Variants in USP20 observed in about 807,000 individuals in gnomAD.
USP20 encodes ubiquitin carboxyl-terminal hydrolase 20.
In USP20, 80 loss-of-function variants were observed where a neutral mutation model predicts 124.2. The observed-to-expected ratio is 0.64, with a 90% CI of 0.54 to 0.78. The LOEUF (loss-of-function observed/expected upper bound fraction) is 0.78. Ranked by LOEUF, USP20 falls within the 30% of genes least tolerant of loss-of-function variation. The probability of loss-of-function intolerance (pLI) is 0.00; values close to 1 mark genes in which losing one functional copy is unlikely to be tolerated. For synonymous variants in USP20, 481 were observed against 512.3 expected (o/e 0.94, Z 0.83); for missense variants, 1,043 against 1,244.4 (o/e 0.84, Z 2.44).
At chr9:129,880,437 C>G in intron 25 of USP20, 30 bp from the exon 26 acceptor site, 1 of 957,898 alleles carries the variant, frequency 1.0e-6, no homozygotes, top group South Asian at 1.7e-5. Flanking sequence ...CATGGCCCGG[C>G]CCCACTGCTG....
chr9:129,879,293 G>A lies in USP20; in HGVS notation c.2513-280G>A, dbSNP rs2034539665. ...GATAGCTGGGCAGAGGGGAAGGGGC[G>A]TGGTGAGCGGCAGCTGCCAGCAGAG... On this transcript the variant is annotated intron_variant, in intron 23 of 25. Coordinates refer to ENST00000372429, the MANE Select transcript of USP20 (RefSeq NM_001110303.4). This position sits in a 1 kb window ranked among gnomAD's most constrained non-coding sequence, Gnocchi z 4.2. The A allele has an allele frequency of 2.7e-5, 12 of 448,158 alleles. No individual in the cohort carries two copies. In the Admixed American group the frequency reaches 2.7e-4, roughly 10 times the overall value. 27.8% of individuals were successfully genotyped at this position (448,158 alleles called of 1,614,324 possible). A position where few individuals can be genotyped will look rare whatever the true frequency, so the allele number is the denominator to read the frequency against.
At chr9:129,848,788 G>T (rs2032736416) in intron 1 of USP20, among the ~76,000 whole-genome samples, 1 of 152,162 alleles carries the variant, frequency 6.6e-6, no homozygotes, top group South Asian at 2.1e-4. Context: ...GACTAGTGCC[G>T]ACTCAGGGCA....
chr9:129,847,933 C>G (rs148514248), intron 1 of USP20, among the ~76,000 whole-genome samples: 54 of 134,848 alleles, frequency 4.0e-4, no homozygotes, highest in African/African-American at 1.3e-3. Context: ...TAATGTTTCT[C>G]TAAATCCGAC....
chr9:129,880,241 CAGA>C lies in USP20; in HGVS notation c.2717_2719del (p.Lys906del). On this transcript the variant is annotated inframe_deletion, in exon 25 of 26. Transcript: ENST00000372429. ...GGGCCCAGAGAACCTGCACGGGGAG[CAGA>C]AGATCGAAGCCGAGACGCGGGCCGT... 1 of 1,611,454 alleles carries C rather than the reference CAGA, an allele frequency of 6.2e-7. No individual in the cohort carries two copies. Among genetic ancestry groups the C allele is most frequent in the Non-Finnish European group, 8.5e-7 (1 of 1,179,260 alleles).
rs760004609 is a variant in USP20, at chr9:129,869,040, G to T, written c.1276+38G>T. 6 of 1,575,494 alleles carry T rather than the reference G, an allele frequency of 3.8e-6. No homozygotes were observed. The South Asian group carries it at 5.7e-5, about 15-fold the overall frequency. ...CGGGAGGGTGGGTCAGCTTGAGGCTGGGAGTACAGATTACGCCCGTAGCTG... is the reference window on the plus strand; with the variant it reads ...CGGGAGGGTGGGTCAGCTTGAGGCTTGGAGTACAGATTACGCCCGTAGCTG... On this transcript the variant is annotated intron_variant, in intron 12 of 25. Coordinates refer to ENST00000372429, the MANE Select transcript of USP20 (RefSeq NM_001110303.4).
Position 129,880,696 on chromosome 9 carries a change from C to T in USP20, c.*246C>T, listed in dbSNP as rs2034603948. On this transcript the variant is annotated 3_prime_UTR_variant, in exon 26 of 26. Transcript: ENST00000372429. Reference sequence around the variant, plus strand: ...CAGTCACTGTCATCGTTGTGTCCCCCACAACTGTCCTCTTGCTAGCTCGGC... The same window carrying T: ...CAGTCACTGTCATCGTTGTGTCCCCTACAACTGTCCTCTTGCTAGCTCGGC... The T allele has an allele frequency of 5.6e-6, 1 of 178,282 alleles. No individual in the cohort carries two copies. Among genetic ancestry groups the T allele is most frequent in the Admixed American group, 5.5e-5 (1 of 18,110 alleles). The allele number at this position is 178,282 out of a possible 1,614,324, so 11.0% of individuals were successfully genotyped here. A position where few individuals can be genotyped will look rare whatever the true frequency, so the allele number is the denominator to read the frequency against.
chr9:129,861,003 G>A lies in USP20; in HGVS notation c.397G>A (p.Glu133Lys). 1 of 1,614,054 alleles carries A rather than the reference G, an allele frequency of 6.2e-7. No individual in the cohort carries two copies. The highest frequency in any genetic ancestry group is 8.5e-7 in the Non-Finnish European group (1 of 1,179,934). Reference protein sequence around the residue: ...PIAVADEGESESEDDDLKPRG... With the variant: ...PIAVADEGESKSEDDDLKPRG... ...TGCTGTGGCTGATGAAGGAGAGTCT[G>A]AGTCAGAGGACGATGACCTGAAACC... Residue 133 changes from glutamate (E) to lysine (K), a missense_variant, in exon 7 of 26, where the codon GAG becomes AAG. Physicochemically the swap from Glu to Lys is moderately conservative, Grantham distance 56. Transcript: ENST00000372429.
chr9:129,868,735 A>G (rs1588277499), intron 11 of USP20, 127 bp from the exon 12 acceptor site: 4 of 1,445,164 alleles, frequency 2.8e-6, no homozygotes, highest in Non-Finnish European at 3.7e-6. Context: ...GAGTGGGCAC[A>G]TGACAGAGGA....
chr9:129,869,604 T>A, intron 13 of USP20, 68 bp from the exon 14 acceptor site: 1 of 1,594,068 alleles, frequency 6.3e-7, no homozygotes, highest in South Asian at 1.1e-5. Context: ...GCCCCTCACC[T>A]GCTGCTTGGG....
intron 6 of USP20, 74 bp from the exon 7 acceptor site, chr9:129,860,863 C>A: frequency 6.7e-7 from 1 of 1,496,280 alleles, no homozygotes; most frequent in Non-Finnish European, 9.3e-7. Flanking sequence ...GACTTCCAGC[C>A]CTTGGGAGAC....
chr9:129,871,004 T>A (rs2034096344), intron 15 of USP20, among the ~76,000 whole-genome samples: 1 of 152,116 alleles, frequency 6.6e-6, no homozygotes, highest in Non-Finnish European at 1.5e-5. Flanking sequence ...TGCGATAAAA[T>A]ACACAAAATG....
chr9:129,864,816 C>T (rs72757203), intron 9 of USP20, among the ~76,000 whole-genome samples: 9,599 of 149,978 alleles, frequency 0.064, 422 homozygotes, highest in Middle Eastern at 0.15. Context: ...AATATAATTC[C>T]GCTTGTGTAA....
intron 1 of USP20, among the ~76,000 whole-genome samples, chr9:129,846,859 TC>T (rs1031860799): frequency 6.6e-6 from 1 of 152,096 alleles, no homozygotes; most frequent in Non-Finnish European, 1.5e-5. Context: ...ACTCCTGACC[TC>T]AAGTGATCCG....
intron 24 of USP20, 68 bp from the exon 25 acceptor site, chr9:129,880,045 A>T: frequency 6.4e-7 from 1 of 1,571,686 alleles, no homozygotes; most frequent in Non-Finnish European, 8.7e-7. Context: ...CGGAGCCCCC[A>T]CTGCCCAGGC....
rs766061689 is a variant in USP20, at chr9:129,879,656, C to G, written c.2584+12C>G. The G allele has an allele frequency of 6.2e-7, 1 of 1,613,882 alleles. No homozygotes were observed. The highest frequency in any genetic ancestry group is 8.5e-7 in the Non-Finnish European group (1 of 1,179,960). On this transcript the variant is annotated intron_variant, in intron 24 of 25. Coordinates refer to ENST00000372429, the MANE Select transcript of USP20 (RefSeq NM_001110303.4). This position sits in a 1 kb window ranked among gnomAD's most constrained non-coding sequence, Gnocchi z 4.2. ...CCAGCTGAAGCAGGGTGAGTTCCCC[C>G]TGGGGTCAGCCAGGCTCCTCTCTGC...
At chr9:129,843,478 G>C (rs1350587564) in intron 1 of USP20, among the ~76,000 whole-genome samples, 1 of 152,112 alleles carries the variant, frequency 6.6e-6, no homozygotes, top group South Asian at 2.1e-4. Context: ...ACTCACGCCT[G>C]TAATCCCAGC....
Position 129,869,375 on chromosome 9 carries a change from A to G in USP20, c.1342A>G (p.Ile448Val). The G allele has an allele frequency of 1.2e-6, 2 of 1,613,714 alleles. No individual in the cohort carries two copies. The highest frequency in any genetic ancestry group is 1.7e-6 in the Non-Finnish European group (2 of 1,179,988). The part of the protein sequence containing the change: ...EQRYRSVISD[I>V]FDGSILSLVQ... ...GCGCTACCGCAGCGTCATCTCAGACATCTTTGACGGCTCCATTCTCAGCCT... is the reference window on the plus strand; with the variant it reads ...GCGCTACCGCAGCGTCATCTCAGACGTCTTTGACGGCTCCATTCTCAGCCT... The change falls in exon 13 of 26, where the codon ATC becomes GTC. Residue 448 changes from isoleucine to valine, a missense_variant. Ile to Val is a conservative substitution (Grantham distance 29, BLOSUM62 3). Coordinates refer to ENST00000372429, the MANE Select transcript of USP20 (RefSeq NM_001110303.4).
Position 129,875,462 on chromosome 9 carries a change from TC to T in USP20, c.2203del (p.Leu735SerfsTer40). 1 of 1,613,138 alleles carries T rather than the reference TC, an allele frequency of 6.2e-7. No individual in the cohort carries two copies. The highest frequency in any genetic ancestry group is 8.5e-7 in the Non-Finnish European group (1 of 1,179,590). On this transcript the variant is annotated frameshift_variant, in exon 20 of 26. Coordinates refer to ENST00000372429, the MANE Select transcript of USP20 (RefSeq NM_001110303.4). LOFTEE classifies it high-confidence loss of function. The stretch of plus-strand genomic sequence containing the variant: ...CCAGGCCCCATCACCAACCAGACCT[TC>T]CTCTGCTCCCACGGAGGTGAGGCGC... ...AEPGPITNQT[F>X]LCSHGGIPPH... is the part of the protein sequence containing the mutation.
In USP20 at chr9:129,879,965, C is replaced by G. The variant is rs2034570023; in HGVS notation, c.2585-148C>G. On this transcript the variant is annotated intron_variant, in intron 24 of 25. Coordinates refer to ENST00000372429, the MANE Select transcript of USP20 (RefSeq NM_001110303.4). This position sits in a 1 kb window ranked among gnomAD's most constrained non-coding sequence, Gnocchi z 4.2. ...CGGGATGGACATTCCTCTGGGAAAT[C>G]CTGATTTCCATCTGACAGCTTTGCA... The G allele has an allele frequency of 1.0e-6, 1 of 987,636 alleles. No homozygotes were observed. The highest frequency in any genetic ancestry group is 1.6e-5 in the African/African-American group (1 of 61,512). 61.2% of individuals were successfully genotyped at this position (987,636 alleles called of 1,614,324 possible). A position where few individuals can be genotyped will look rare whatever the true frequency, so the allele number is the denominator to read the frequency against.
Sources: allele counts gnomAD v4.1 joint callset (sites outside exome capture counted in the v4.1 genomes callset), GRCh38; gene constraint gnomAD v4.1.1; non-coding constraint Gnocchi (gnomAD v3.1); transcripts MANE v1.5; gene names NCBI Gene and HGNC (gene_info 2026-07-23, HGNC 2026-07-21).